Variants in TPO observed in about 807,000 individuals in gnomAD.
The protein encoded by TPO is thyroid peroxidase, also known as thyroid microsomal antigen.
In TPO, 78 loss-of-function variants were observed where a neutral mutation model predicts 96.9. That is an observed-to-expected ratio of 0.81 (90% CI 0.67 to 0.97). TPO has a LOEUF of 0.97. Ranked by LOEUF, TPO falls within the 50% of genes least tolerant of loss-of-function variation. The pLI is 0.00. For synonymous variants in TPO, 547 were observed against 538.0 expected, an observed-to-expected ratio of 1.02 and a Z score of -0.23; for missense variants, 1,252 against 1,274.8, an observed-to-expected ratio of 0.98 and a Z score of 0.27.
intron 3 of TPO, among the ~76,000 whole-genome samples, chr2:1,428,242 C>G (rs1567919): frequency 6.6e-6 from 1 of 152,162 alleles, no homozygotes; most frequent in Non-Finnish European, 1.5e-5. Flanking sequence ...TGTCTGCATT[C>G]GGAATGACCC....
rs1245827052 is a variant in TPO at position 1,494,016 on chromosome 2, G to T, written c.1983G>T (p.Met661Ile). ...PLFACLIGKQ[M>I]KALRDGDWFW... is the part of the protein sequence containing the mutation. ...TTGCCTGTCTCATTGGGAAGCAGAT[G>T]AAGGCTCTGCGGGACGGTGACTGGT... Residue 661 changes from methionine (M) to isoleucine (I), a missense_variant, in exon 11 of 17, where the codon ATG becomes ATT. Coordinates refer to ENST00000329066, the MANE Select transcript of TPO (RefSeq NM_001206744.2). 1.2e-6 allele frequency: 2 copies of T among 1,614,146 alleles called. No individual in the cohort carries two copies. The highest frequency in any genetic ancestry group is 2.7e-5 in the African/African-American group (2 of 75,050).
rs576918599 is a variant in TPO, at chr2:1,543,186, G to C, written c.*712G>C. The stretch of plus-strand genomic sequence containing the variant: ...CTCCCTGACTCAACAAGGCAGTCTC[G>C]GGGGCACCGTTAGCCACGCGACCCT... On this transcript the variant is annotated 3_prime_UTR_variant, in exon 17 of 17. Transcript: ENST00000329066. The C allele has an allele frequency of 6.5e-6, 1 of 152,792 alleles. No homozygotes were observed. Among genetic ancestry groups the C allele is most frequent in the East Asian group, 1.9e-4 (1 of 5,180 alleles). 9.5% of individuals were successfully genotyped at this position (152,792 alleles called of 1,614,324 possible). A position where few individuals can be genotyped will look rare whatever the true frequency, so the allele number is the denominator to read the frequency against.
At chr2:1,527,369 G>GC (rs1676830515) in intron 15 of TPO, among the ~76,000 whole-genome samples, 1 of 12,580 alleles carries the variant, frequency 7.9e-5, no homozygotes, top group Non-Finnish European at 1.6e-4. Flanking sequence ...CCAAATCCCC[G>GC]CACTGTGTGC....
intron 14 of TPO, among the ~76,000 whole-genome samples, chr2:1,511,257 C>T (rs796268304): frequency 4.6e-5 from 2 of 43,950 alleles, no homozygotes; most frequent in Admixed American, 5.5e-4. Context: ...TGCCACAGCG[C>T]AGCCCTGCAG....
In TPO at chr2:1,535,646, T is replaced by A. The variant is rs1369502935; in HGVS notation, c.2619-4948T>A. 7.3e-5 allele frequency among the ~76,000 whole-genome samples: 6 copies of A among 81,774 alleles called. 1 individual carries two copies. Among genetic ancestry groups the A allele is most frequent in the African/African-American group, 1.8e-4 (4 of 21,804 alleles). 53.6% of individuals were successfully genotyped at this position (81,774 alleles called of 152,430 possible). A position where few individuals can be genotyped will look rare whatever the true frequency, so the allele number is the denominator to read the frequency against. On this transcript the variant is annotated intron_variant, in intron 15 of 16. Coordinates refer to ENST00000329066, the MANE Select transcript of TPO (RefSeq NM_001206744.2). Reference sequence around the variant, plus strand: ...CCTCCTCAAATCCTCCCTCGCTGTGTGCAACCTCCTCAAATCCCCCCACTC... The same window carrying A: ...CCTCCTCAAATCCTCCCTCGCTGTGAGCAACCTCCTCAAATCCCCCCACTC...
intron 1 of TPO, among the ~76,000 whole-genome samples, chr2:1,391,759 T>G (rs1662003427): frequency 6.6e-6 from 1 of 152,190 alleles, no homozygotes; most frequent in South Asian, 2.1e-4. Context: ...TCCTAGGTAT[T>G]TTATTCTCTT....
At chr2:1,485,137 G>A (rs1671028877) in intron 9 of TPO, among the ~76,000 whole-genome samples, 1 of 148,740 alleles carries the variant, frequency 6.7e-6, no homozygotes, top group African/African-American at 2.5e-5. Context: ...TCCCACCTAT[G>A]AGTGAGAACA....
At position 1,414,429 on chromosome 2, in the gene TPO, G is replaced by C. The variant is rs373144454; in HGVS notation, c.21G>C (p.Leu7=). 6.2e-7 allele frequency: 1 copy of C among 1,613,924 alleles called. No individual in the cohort carries two copies. The highest frequency in any genetic ancestry group is 1.6e-4 in the Middle Eastern group (1 of 6,062). Residue 7 remains leucine, a synonymous_variant, in exon 2 of 17, where the codon CTG becomes CTC. Transcript: ENST00000329066. MRALAV[L]SVTLVMACTE... ...TTAGAATGAGAGCGCTCGCTGTGCT[G>C]TCTGTCACGCTGGTTATGGCCTGCA...
intron 8 of TPO, among the ~76,000 whole-genome samples, chr2:1,478,564 G>T (rs1670214604): frequency 6.6e-6 from 1 of 152,252 alleles, no homozygotes; most frequent in Non-Finnish European, 1.5e-5. Context: ...AGAGCAGAGG[G>T]TCTGGGAAGC....
chr2:1,522,595 T>A (rs1446467055), intron 15 of TPO, among the ~76,000 whole-genome samples: 1 of 152,086 alleles, frequency 6.6e-6, no homozygotes, highest in Admixed American at 6.5e-5. Context: ...CATTCCCACT[T>A]CTTGGCTTTT....
chr2:1,390,105 C>T (rs1219952764), intron 1 of TPO, among the ~76,000 whole-genome samples: 5 of 150,736 alleles, frequency 3.3e-5, no homozygotes, highest in East Asian at 2.0e-4. Flanking sequence ...GTGCCATGTT[C>T]GTTTGCCACA....
At chr2:1,524,185 C>T (rs1318252853) in intron 15 of TPO, among the ~76,000 whole-genome samples, 2 of 147,164 alleles carry the variant, frequency 1.4e-5, no homozygotes, top group Admixed American at 1.4e-4. Context: ...CTCCTCAAAT[C>T]CCCATCCTGT....
intron 7 of TPO, among the ~76,000 whole-genome samples, chr2:1,458,818 A>G (rs1036037029): frequency 2.0e-5 from 3 of 152,182 alleles, no homozygotes; most frequent in Non-Finnish European, 4.4e-5. Flanking sequence ...TTAGTATTCC[A>G]TTTGTGTGTG....
chr2:1,476,144 T>A (rs141445970), intron 7 of TPO, among the ~76,000 whole-genome samples: 139 of 152,326 alleles, frequency 9.1e-4, no homozygotes, highest in African/African-American at 3.2e-3. Context: ...AGCTTTCCCC[T>A]TATTTTCACT....
At chr2:1,480,849 A>ACGTCCCTGC (rs1491437363) in intron 8 of TPO, among the ~76,000 whole-genome samples, 11 of 151,216 alleles carry the variant, frequency 7.3e-5, no homozygotes, top group South Asian at 2.1e-4. Context: ...TGTCCTCACC[A>ACGTCCCTGC]TACCCACTCT....
At position 1,535,033 on chromosome 2, in the gene TPO, TCCC is replaced by T. The variant is rs1232211715; in HGVS notation, c.2619-5556_2619-5554del. Reference sequence around the variant, plus strand: ...CGCAAGTGTGTACAACCTCCCCAAATCCCCCCCACTGTGTGCAACCTCCCCAAA... The same window carrying T: ...CGCAAGTGTGTACAACCTCCCCAAATCCCCACTGTGTGCAACCTCCCCAAA... On this transcript the variant is annotated intron_variant, in intron 15 of 16. Transcript: ENST00000329066. Among the ~76,000 whole-genome samples the T allele has an allele frequency of 1.2e-4, 12 of 97,674 alleles. 2 individuals carry two copies. Among genetic ancestry groups the T allele is most frequent in the African/African-American group, 3.9e-4 (9 of 23,368 alleles). The allele number at this position is 97,674 out of a possible 152,430, so 64.1% of individuals were successfully genotyped here. A position where few individuals can be genotyped will look rare whatever the true frequency, so the allele number is the denominator to read the frequency against.
At chr2:1,479,348 C>A (rs567089751) in intron 8 of TPO, among the ~76,000 whole-genome samples, 1 of 152,320 alleles carries the variant, frequency 6.6e-6, no homozygotes, top group South Asian at 2.1e-4. Context: ...TCTCAGGACC[C>A]ACAATTTGCC....
intron 14 of TPO, 123 bp from the exon 15 acceptor site, chr2:1,516,760 G>A: frequency 3.6e-6 from 3 of 844,550 alleles, no homozygotes; most frequent in South Asian, 2.8e-5. Context: ...CTCCCTCCCT[G>A]CGTCATGCTG....
rs10208730 is a variant in TPO at position 1,494,363 on chromosome 2, T to C, written c.2006+324T>C. Among the ~76,000 whole-genome samples the C allele has an allele frequency of 0.52, 79,050 of 152,090 alleles. 21,339 individuals are homozygous for C. Among genetic ancestry groups the C allele is most frequent in the African/African-American group, 0.67 (27,792 of 41,494 alleles). On this transcript the variant is annotated intron_variant, in intron 11 of 16. Coordinates refer to ENST00000329066, the MANE Select transcript of TPO (RefSeq NM_001206744.2). ...CAGCCCGGAGACTGCATCCCATCCC[T>C]CACGTCCCATGACAATGCCCGGGAA...
Sources: allele counts gnomAD v4.1 joint callset (sites outside exome capture counted in the v4.1 genomes callset), GRCh38; gene constraint gnomAD v4.1.1; transcripts MANE v1.5; gene names NCBI Gene and HGNC (gene_info 2026-07-23, HGNC 2026-07-21).